The following TUSC3 variants were observed in gnomAD, a reference collection of about 807,000 sequenced individuals.
TUSC3 encodes tumor suppressor candidate 3.
A neutral mutation model predicts 44.8 loss-of-function variants in TUSC3; 45 were observed. The ratio of observed to expected loss-of-function variants is 1.00; its 90% CI spans 0.79 to 1.29. The LOEUF is 1.29. Among genes scored for constraint, TUSC3 ranks in the 50% most tolerant of loss-of-function variants. TUSC3 has a pLI of 0.00. For missense variants in TUSC3, 519 were observed against 437.9 expected, an observed-to-expected ratio of 1.19 and a Z score of -1.65; for synonymous variants, 212 against 152.9, an observed-to-expected ratio of 1.39 and a Z score of -2.85.
chr8:15,616,562 G>A (rs1804995344), intron 1 of TUSC3, among the ~76,000 whole-genome samples: 1 of 152,162 alleles, frequency 6.6e-6, no homozygotes, highest in South Asian at 2.1e-4. Context: ...GTGTGACAGA[G>A]TGAGAGTTCA....
intron 1 of TUSC3, among the ~76,000 whole-genome samples, chr8:15,573,177 T>C (rs1318086113): frequency 4.4e-4 from 36 of 81,954 alleles, no homozygotes; most frequent in African/African-American, 1.7e-3. Flanking sequence ...TTTCTCTCTC[T>C]CTCTCTCTCT....
chr8:15,487,878 T>G (rs2129125490), intron 2 of TUSC3, among the ~76,000 whole-genome samples: 1 of 151,452 alleles, frequency 6.6e-6, no homozygotes, highest in South Asian at 2.1e-4. Context: ...GTGTTTTCAT[T>G]ACTAGAATAG....
chr8:15,649,257 C>T (rs1178864917), intron 2 of TUSC3, among the ~76,000 whole-genome samples: 2 of 151,826 alleles, frequency 1.3e-5, no homozygotes, highest in Admixed American at 6.6e-5. Flanking sequence ...GGGACTGGTT[C>T]GGGAGGGTGC....
At chr8:15,484,229 G>A (rs1800706439) in intron 2 of TUSC3, among the ~76,000 whole-genome samples, 1 of 151,828 alleles carries the variant, frequency 6.6e-6, no homozygotes, top group Non-Finnish European at 1.5e-5. Flanking sequence ...TTTGCTAATT[G>A]TTTTCTAAAT....
In TUSC3 at chr8:15,550,679, AT is replaced by A. The variant is rs201434483; in HGVS notation, c.138+10120del. Among the ~76,000 whole-genome samples, 580 of 150,134 alleles carry A rather than the reference AT, an allele frequency of 3.9e-3. 9 individuals are homozygous for A. Among genetic ancestry groups the A allele is most frequent in the African/African-American group, 0.014 (555 of 41,012 alleles). On this transcript the variant is annotated intron_variant, in intron 1 of 10. Coordinates refer to ENST00000503731, the MANE Select transcript of TUSC3 (RefSeq NM_006765.4). ...TCTTTTTTTAATTAGTTAGTTAATTATTTTTTTTTAAAGATAGTGTCTCTCA... is the reference window on the plus strand; with the variant it reads ...TCTTTTTTTAATTAGTTAGTTAATTATTTTTTTTAAAGATAGTGTCTCTCA...
chr8:15,467,192 A>G (rs1800425429), intron 1 of TUSC3, among the ~76,000 whole-genome samples: 1 of 151,870 alleles, frequency 6.6e-6, no homozygotes, highest in South Asian at 2.1e-4. Context: ...AGGGTAGTCA[A>G]CAAGTACGTG....
chr8:15,667,272 C>T (rs1004724476), intron 5 of TUSC3, among the ~76,000 whole-genome samples: 1 of 151,528 alleles, frequency 6.6e-6, no homozygotes, highest in African/African-American at 2.4e-5. Flanking sequence ...ATACGTCTTA[C>T]CTTTCCTTTT....
chr8:15,627,916 C>T (rs927644504), intron 2 of TUSC3, among the ~76,000 whole-genome samples: 8 of 152,154 alleles, frequency 5.3e-5, no homozygotes, highest in African/African-American at 1.4e-4. Flanking sequence ...GTGGACAAAA[C>T]GAATCCAGTG....
At chr8:15,646,934 A>C (rs1806660443) in intron 2 of TUSC3, among the ~76,000 whole-genome samples, 1 of 152,132 alleles carries the variant, frequency 6.6e-6, no homozygotes, top group African/African-American at 2.4e-5. Context: ...TATCACTGTA[A>C]CACTAAATAA....
At chr8:15,523,201 T>A (rs967925032) in intron 2 of TUSC3, among the ~76,000 whole-genome samples, 3 of 152,136 alleles carry the variant, frequency 2.0e-5, no homozygotes, top group Non-Finnish European at 4.4e-5. Flanking sequence ...ACTGCACCAG[T>A]GAGTGAGATC....
chr8:15,815,533 G>A, the TUSC3 span, among the ~76,000 whole-genome samples: 67 of 152,238 alleles, frequency 4.4e-4, no homozygotes, highest in Admixed American at 4.3e-3. Context: ...AAAACAATAT[G>A]TAGGAGAAAT....
the TUSC3 span, among the ~76,000 whole-genome samples, chr8:15,780,005 A>G: frequency 6.6e-6 from 1 of 152,206 alleles, no homozygotes; most frequent in African/African-American, 2.4e-5. Flanking sequence ...CATAATTTGA[A>G]TTCTGTTTTC....
At chr8:15,735,394 AG>A (rs1810886382) in intron 7 of TUSC3, among the ~76,000 whole-genome samples, 1 of 152,196 alleles carries the variant, frequency 6.6e-6, no homozygotes, top group South Asian at 2.1e-4. Flanking sequence ...GAGGAGAACA[AG>A]GTTTGGAGGG....
intron 9 of TUSC3, among the ~76,000 whole-genome samples, chr8:15,752,495 G>A (rs1473678184): frequency 6.6e-6 from 1 of 152,058 alleles, no homozygotes; most frequent in Non-Finnish European, 1.5e-5. Flanking sequence ...AATTCTAGAT[G>A]TTTGCAAAAC....
chr8:15,837,486 A>C, the TUSC3 span, among the ~76,000 whole-genome samples: 1 of 151,858 alleles, frequency 6.6e-6, no homozygotes, highest in South Asian at 2.1e-4. Flanking sequence ...TTCTTTATCA[A>C]ATTCCATTTC....
chr8:15,640,127 A>C (rs1171518791), intron 2 of TUSC3, among the ~76,000 whole-genome samples: 1 of 152,184 alleles, frequency 6.6e-6, no homozygotes, highest in Non-Finnish European at 1.5e-5. Context: ...AATGTGGTTA[A>C]TGCTGAACAC....
At chr8:15,702,983 AC>A (rs1341809557) in intron 6 of TUSC3, among the ~76,000 whole-genome samples, 1 of 152,162 alleles carries the variant, frequency 6.6e-6, no homozygotes, top group Non-Finnish European at 1.5e-5. Flanking sequence ...AATTAAACAA[AC>A]AAAAAACACC....
chr8:15,422,264 C>T (rs567611692), intron 1 of TUSC3, among the ~76,000 whole-genome samples: 1 of 152,278 alleles, frequency 6.6e-6, no homozygotes, highest in African/African-American at 2.4e-5. Flanking sequence ...ACAAATTTCT[C>T]AGCACTTCTG....
the TUSC3 span, among the ~76,000 whole-genome samples, chr8:15,821,979 A>C: frequency 6.6e-6 from 1 of 152,164 alleles, no homozygotes. Context: ...CAGGTAAAAG[A>C]TGATGATGAT....
Sources: gnomAD v4.1 joint callset for allele counts (sites outside exome capture counted in the v4.1 genomes callset) on GRCh38, gnomAD v4.1.1 for gene constraint, MANE v1.5 for transcripts, NCBI Gene and HGNC (gene_info 2026-07-23, HGNC 2026-07-21) for gene names.